Variants in HCLS1 observed in about 807,000 individuals in gnomAD.
The protein encoded by HCLS1 is hematopoietic cell-specific Lyn substrate 1.
In HCLS1, 44 loss-of-function variants were observed where a neutral mutation model predicts 68.6. The ratio of observed to expected loss-of-function variants is 0.64; its 90% CI spans 0.50 to 0.82. The LOEUF (loss-of-function observed/expected upper bound fraction) is 0.82. HCLS1 is among the 40% of genes least tolerant of loss of function. HCLS1 has a pLI of 0.00. For missense variants in HCLS1, 602 were observed against 612.1 expected (o/e 0.98, Z 0.17); for synonymous variants, 217 against 225.8 (o/e 0.96, Z 0.35).
intron 9 of HCLS1, 84 bp downstream of exon 9, chr3:121,635,651 A>G (rs1466244859): frequency 4.8e-6 from 5 of 1,045,284 alleles, no homozygotes; most frequent in Non-Finnish European, 7.5e-6. Flanking sequence ...AGGTAGTTAA[A>G]GGCATGGAGG....
Position 121,636,140 on chromosome 3 carries a change from T to C in HCLS1, c.621+294A>G, listed in dbSNP as rs111780489. Among the ~76,000 whole-genome samples, 31 of 152,072 alleles carry C rather than the reference T, an allele frequency of 2.0e-4. 1 individual carries two copies. The highest frequency in any genetic ancestry group is 4.2e-4 in the South Asian group (2 of 4,808). The stretch of plus-strand genomic sequence containing the variant: ...GCATGGGGTGGGAAGAGACTTAAGA[T>C]TGGGTTAAGCAATGCCAAGAAATCA... On this transcript the variant is annotated intron_variant, in intron 8 of 13. Coordinates refer to ENST00000314583, the MANE Select transcript of HCLS1 (RefSeq NM_005335.6).
chr3:121,658,007 A>G (rs968991800), intron 2 of HCLS1: 5 of 430,406 alleles, frequency 1.2e-5, no homozygotes, highest in Non-Finnish European at 2.1e-5. Context: ...CCTGCTTCTC[A>G]CCTTCAGTGT....
At chr3:121,650,005 A>G (rs535188757) in intron 3 of HCLS1, among the ~76,000 whole-genome samples, 23 of 152,352 alleles carry the variant, frequency 1.5e-4, no homozygotes, top group Middle Eastern at 3.4e-3. Context: ...ACAGGATACA[A>G]GGTCATTATA....
chr3:121,651,740 T>C (rs927889212), intron 3 of HCLS1, among the ~76,000 whole-genome samples: 2 of 152,128 alleles, frequency 1.3e-5, no homozygotes, highest in African/African-American at 4.8e-5. Context: ...ATACTAACAA[T>C]AACAAATGTT....
chr3:121,644,655 C>T, intron 5 of HCLS1, 163 bp downstream of exon 5: 1 of 717,154 alleles, frequency 1.4e-6, no homozygotes, highest in East Asian at 2.6e-5. Flanking sequence ...ACATTGGCAC[C>T]AAGGAACTTG....
intron 3 of HCLS1, among the ~76,000 whole-genome samples, chr3:121,651,791 A>G (rs1937756628): frequency 1.3e-5 from 2 of 152,266 alleles, no homozygotes; most frequent in Admixed American, 6.5e-5. Flanking sequence ...CATTACTGGT[A>G]GGAATGAAAG....
At chr3:121,646,610 TTATTATA>T (rs1356506396) in intron 4 of HCLS1, among the ~76,000 whole-genome samples, 88 of 113,634 alleles carry the variant, frequency 7.7e-4, no homozygotes, top group African/African-American at 2.7e-3. Flanking sequence ...ATATATATAC[TTATTATA>T]TATTATATAT....
At chr3:121,657,741 C>T (rs954613623) in intron 2 of HCLS1, among the ~76,000 whole-genome samples, 2 of 152,064 alleles carry the variant, frequency 1.3e-5, no homozygotes, top group African/African-American at 4.8e-5. Flanking sequence ...GTAGGAGAAT[C>T]GCTTGAACCT....
intron 11 of HCLS1, 100 bp from the exon 12 acceptor site, chr3:121,632,663 C>G: frequency 1.0e-6 from 1 of 997,022 alleles, no homozygotes. Context: ...TGCCTCTTCT[C>G]CCCTCTACCC....
At chr3:121,658,166 G>T in intron 2 of HCLS1, 98 bp downstream of exon 2, 1 of 876,746 alleles carries the variant, frequency 1.1e-6, no homozygotes, top group Non-Finnish European at 1.9e-6. Flanking sequence ...AGTCCTAGAA[G>T]GCCCTTTTCC....
At chr3:121,645,777 C>A (rs7427165) in intron 4 of HCLS1, among the ~76,000 whole-genome samples, 1 of 149,534 alleles carries the variant, frequency 6.7e-6, no homozygotes. Flanking sequence ...ATGAATGAGT[C>A]AAAAAATATA....
intron 3 of HCLS1, among the ~76,000 whole-genome samples, chr3:121,651,372 T>C (rs1295386424): frequency 3.9e-5 from 6 of 152,164 alleles, no homozygotes; most frequent in Admixed American, 1.3e-4. Flanking sequence ...ATAAAACTGG[T>C]CATCAGAGAA....
At chr3:121,635,443 A>G (rs547586723) in intron 9 of HCLS1, among the ~76,000 whole-genome samples, 1 of 151,752 alleles carries the variant, frequency 6.6e-6, no homozygotes, top group South Asian at 2.1e-4. Flanking sequence ...ATGCCTGGCT[A>G]ATTTTTGTAT....
chr3:121,657,397 C>T lies in HCLS1; in HGVS notation c.85-45G>A, dbSNP rs1419506407. ...GTAATACATGACGGCAAGAAATGTG[C>T]CACATTGAGAAGGGCCACCCAACTG... On this transcript the variant is annotated intron_variant, in intron 2 of 13. Transcript: ENST00000314583. 3 of 1,587,562 alleles carry T rather than the reference C, an allele frequency of 1.9e-6. No homozygotes were observed. In the South Asian group the frequency reaches 3.3e-5, roughly 18 times the overall value.
At chr3:121,659,781 T>G (rs1937951985) in intron 1 of HCLS1, among the ~76,000 whole-genome samples, 1 of 152,074 alleles carries the variant, frequency 6.6e-6, no homozygotes, top group Non-Finnish European at 1.5e-5. Context: ...AAAAGGACTG[T>G]CACACAGAAA....
chr3:121,653,466 G>A (rs1937793792), intron 3 of HCLS1: 1 of 152,198 alleles, frequency 6.6e-6, no homozygotes, highest in Non-Finnish European at 1.5e-5. Context: ...AGTACTCTGT[G>A]TTTTGCAAGA....
intron 10 of HCLS1, 93 bp from the exon 11 acceptor site, chr3:121,633,264 G>A (rs1265618320): frequency 2.6e-6 from 2 of 777,226 alleles, no homozygotes; most frequent in East Asian, 5.5e-5. Flanking sequence ...AGCCCAGGCT[G>A]GAGTGCAGTG....
chr3:121,645,073 C>T lies in HCLS1; in HGVS notation c.289-145G>A, dbSNP rs1278853444. The T allele has an allele frequency of 3.1e-5, 20 of 639,872 alleles. No individual in the cohort carries two copies. In the Admixed American group the frequency reaches 4.0e-4, roughly 13 times the overall value. 39.6% of individuals were successfully genotyped at this position (639,872 alleles called of 1,614,324 possible). ...TCTGACAGTGGTGCCAAGGAATACG[C>T]GATGGGAGAGCAAGATGACTTTTTC... On this transcript the variant is annotated intron_variant, in intron 4 of 13. Coordinates refer to ENST00000314583, the MANE Select transcript of HCLS1 (RefSeq NM_005335.6).
chr3:121,636,529 G>C, intron 7 of HCLS1, 40 bp from the exon 8 acceptor site: 1 of 1,463,790 alleles, frequency 6.8e-7, no homozygotes, highest in Non-Finnish European at 9.6e-7. Flanking sequence ...AGATCAAAAT[G>C]CTGGGAATGG....
Sources: allele counts gnomAD v4.1 joint callset (sites outside exome capture counted in the v4.1 genomes callset), GRCh38; gene constraint gnomAD v4.1.1; transcripts MANE v1.5; gene names NCBI Gene and HGNC (gene_info 2026-07-23, HGNC 2026-07-21).